The following PROSER2 variants were observed in gnomAD, a reference collection of about 807,000 sequenced individuals.
The protein encoded by PROSER2 is proline and serine-rich protein 2.
Under a neutral mutation model 14.6 loss-of-function variants are expected in PROSER2, and 18 were observed. That is an observed-to-expected ratio of 1.23 (90% CI 0.85 to 1.83). The LOEUF is 1.83. PROSER2 is among the 40% of genes most tolerant of loss of function. The pLI, the probability that PROSER2 is intolerant of heterozygous loss-of-function variation, is 0.00. For missense variants in PROSER2, 823 were observed against 629.8 expected (o/e 1.31, Z -3.28); for synonymous variants, 367 against 286.4 (o/e 1.28, Z -2.84).
intron 1 of PROSER2, among the ~76,000 whole-genome samples, chr10:11,843,685 C>CAAA (rs369244388): frequency 1.8e-5 from 2 of 113,244 alleles, no homozygotes; most frequent in Admixed American, 9.1e-5. Flanking sequence ...GACTCTGTCT[C>CAAA]AAAAAAAAAA....
intron 3 of PROSER2, among the ~76,000 whole-genome samples, chr10:11,867,181 C>T (rs1324922251): frequency 7.1e-6 from 1 of 140,552 alleles, no homozygotes; most frequent in South Asian, 2.4e-4. Flanking sequence ...AGGAGAATGG[C>T]GTGAACCCGG....
At position 11,871,575 on chromosome 10, in the gene PROSER2, G is replaced by A. The variant is rs1469103541; in HGVS notation, c.*1169G>A. 6.6e-6 allele frequency: 1 copy of A among 152,202 alleles called. No homozygotes were observed. Among genetic ancestry groups the A allele is most frequent in the African/African-American group, 2.4e-5 (1 of 41,448 alleles). The allele number at this position is 152,202 out of a possible 1,614,324, so 9.4% of individuals were successfully genotyped here. ...CATGTTCCACAAGCAAGATCTCAGG[G>A]TAGGGAAAAACCAGTGAATGAGGTT... On this transcript the variant is annotated 3_prime_UTR_variant, in exon 4 of 4. Transcript: ENST00000277570.
At chr10:11,854,139 TGTTTCCTTGCCTTCCCCTCA>T (rs1246462786) in intron 2 of PROSER2, among the ~76,000 whole-genome samples, 1 of 152,254 alleles carries the variant, frequency 6.6e-6, no homozygotes, top group Non-Finnish European at 1.5e-5. Flanking sequence ...GTTCTGGTCG[TGTTTCCTTGCCTTCCCCTCA>T]GGCCTGTTAA....
chr10:11,831,999 T>G, intron 1 of PROSER2, among the ~76,000 whole-genome samples: 1 of 152,222 alleles, frequency 6.6e-6, no homozygotes, highest in South Asian at 2.1e-4. Flanking sequence ...CTTTTTATTT[T>G]AAAAAAATAA....
In PROSER2 at chr10:11,869,072, A is replaced by G. The variant is rs953996866; in HGVS notation, c.392-418A>G. Among the ~76,000 whole-genome samples the G allele has an allele frequency of 6.6e-6, 1 of 152,234 alleles. No individual in the cohort carries two copies. Among genetic ancestry groups the G allele is most frequent in the African/African-American group, 2.4e-5 (1 of 41,460 alleles). ...ATTCTCTGTCATAGAGGAAAGTGAC[A>G]CAGCTACATGTCCTTCATCCAGAAA... On this transcript the variant is annotated intron_variant, in intron 3 of 3. Coordinates refer to ENST00000277570, the MANE Select transcript of PROSER2 (RefSeq NM_153256.4). The surrounding 1 kb of genome is among the most constrained non-coding windows in gnomAD (Gnocchi z 4.4).
chr10:11,837,399 G>C lies in PROSER2; in HGVS notation c.-82+13929G>C, dbSNP rs1318891453. Reference sequence around the variant, plus strand: ...TTGTAGGTAGAAGACATGAACACGAGCTCCGATTGCTGGCAGACGGGTTGG... The same window carrying C: ...TTGTAGGTAGAAGACATGAACACGACCTCCGATTGCTGGCAGACGGGTTGG... On this transcript the variant is annotated intron_variant, in intron 1 of 3. Transcript: ENST00000277570. The surrounding 1 kb of genome is among the most constrained non-coding windows in gnomAD (Gnocchi z 4.6). Among the ~76,000 whole-genome samples, 1 of 152,200 alleles carries C rather than the reference G, an allele frequency of 6.6e-6. No homozygotes were observed. Among genetic ancestry groups the C allele is most frequent in the Non-Finnish European group, 1.5e-5 (1 of 68,032 alleles).
intron 2 of PROSER2, among the ~76,000 whole-genome samples, chr10:11,860,359 G>A (rs1034900841): frequency 1.3e-5 from 2 of 152,200 alleles, no homozygotes; most frequent in Non-Finnish European, 2.9e-5. Flanking sequence ...GCTCACACCT[G>A]TAATCCCAGC....
At position 11,866,593 on chromosome 10, in the gene PROSER2, G is replaced by A; in HGVS notation, c.201G>A (p.Glu67=). Residue 67 remains glutamate (E), a synonymous_variant, in exon 3 of 4, where the codon GAG becomes GAA. Transcript: ENST00000277570. The surrounding 1 kb of genome is among the most constrained non-coding windows in gnomAD (Gnocchi z 6.0). ...AGGATGTGCTCCTGTTTTTTGAAGA[G>A]ACGATTGACTCCCTAGACGAGGACT... ...EEKDVLLFFE[E]TIDSLDEDFE... is the part of the protein sequence containing the mutation. 1 of 1,614,198 alleles carries A rather than the reference G, an allele frequency of 6.2e-7. No homozygotes were observed.
Position 11,869,672 on chromosome 10 carries a change from C to G in PROSER2, c.574C>G (p.Pro192Ala). Residue 192 changes from proline (P) to alanine (A), a missense_variant, in exon 4 of 4, where the codon CCC becomes GCC. Coordinates refer to ENST00000277570, the MANE Select transcript of PROSER2 (RefSeq NM_153256.4). The surrounding 1 kb of genome is among the most constrained non-coding windows in gnomAD (Gnocchi z 4.4). ...GCACCCCAGACTCCTGCGCTCTGTT[C>G]CCACGCCCCTCGTTATGGCGCAGAA... Reference protein sequence around the residue: ...VEHPRLLRSVPTPLVMAQKIS... With the variant: ...VEHPRLLRSVATPLVMAQKIS... 2 of 1,600,106 alleles carry G rather than the reference C, an allele frequency of 1.2e-6. No individual in the cohort carries two copies. The highest frequency in any genetic ancestry group is 1.7e-6 in the Non-Finnish European group (2 of 1,173,834).
chr10:11,859,829 T>G (rs1485302136), intron 2 of PROSER2, among the ~76,000 whole-genome samples: 1 of 152,248 alleles, frequency 6.6e-6, no homozygotes, highest in African/African-American at 2.4e-5. Context: ...CATTTTAGAA[T>G]GTTTTCCTCT....
rs1297459487 is a variant in PROSER2, at chr10:11,866,662, C to T, written c.270C>T (p.Cys90=). The change falls in exon 3 of 4, where the codon TGC becomes TGT. Residue 90 remains cysteine (C), a synonymous_variant. Transcript: ENST00000277570. This position sits in a 1 kb window ranked among gnomAD's most constrained non-coding sequence, Gnocchi z 6.0. ...VLCDGGVCCL[C]SPSLEESTSS... The stretch of plus-strand genomic sequence containing the variant: ...GCGATGGAGGAGTGTGCTGCCTCTG[C>T]TCCCCGTCTCTGGAGGAGAGCACCT... 2 of 1,614,204 alleles carry T rather than the reference C, an allele frequency of 1.2e-6. No individual in the cohort carries two copies. Among genetic ancestry groups the T allele is most frequent in the Non-Finnish European group, 1.7e-6 (2 of 1,180,046 alleles).
At chr10:11,847,085 T>A (rs995115147) in intron 1 of PROSER2, among the ~76,000 whole-genome samples, 10 of 151,296 alleles carry the variant, frequency 6.6e-5, no homozygotes, top group Admixed American at 5.9e-4. Flanking sequence ...TTCCCCAACT[T>A]TTTCCCATAG....
chr10:11,823,614 C>G lies in PROSER2; in HGVS notation c.-82+144C>G, dbSNP rs184992098. On this transcript the variant is annotated intron_variant, in intron 1 of 3. Transcript: ENST00000277570. This position sits in a 1 kb window ranked among gnomAD's most constrained non-coding sequence, Gnocchi z 6.2. Reference sequence around the variant, plus strand: ...ACCCTGCCTTGGCGCGCTCCTCGCTCTGACTAGGGGAGCCCGGCGCCGCCG... The same window carrying G: ...ACCCTGCCTTGGCGCGCTCCTCGCTGTGACTAGGGGAGCCCGGCGCCGCCG... The G allele has an allele frequency of 0.033, 5,038 of 152,158 alleles. 132 individuals carry two copies. Among genetic ancestry groups the G allele is most frequent in the Non-Finnish European group, 0.049 (3,306 of 68,050 alleles). The allele number at this position is 152,158 out of a possible 1,614,324, so 9.4% of individuals were successfully genotyped here.
At position 11,830,737 on chromosome 10, in the gene PROSER2, C is replaced by G. The variant is rs572042728; in HGVS notation, c.-82+7267C>G. Among the ~76,000 whole-genome samples the G allele has an allele frequency of 6.6e-6, 1 of 152,306 alleles. No individual in the cohort carries two copies. Among genetic ancestry groups the G allele is most frequent in the Admixed American group, 6.5e-5 (1 of 15,298 alleles). Reference sequence around the variant, plus strand: ...GTTAGTTGGAATCTTCCAGTTTTTTCAACAAACATTTGGTGGTCCCCATTG... The same window carrying G: ...GTTAGTTGGAATCTTCCAGTTTTTTGAACAAACATTTGGTGGTCCCCATTG... On this transcript the variant is annotated intron_variant, in intron 1 of 3. Coordinates refer to ENST00000277570, the MANE Select transcript of PROSER2 (RefSeq NM_153256.4). This position sits in a 1 kb window ranked among gnomAD's most constrained non-coding sequence, Gnocchi z 4.5.
At chr10:11,839,427 A>G (rs1430987601) in intron 1 of PROSER2, among the ~76,000 whole-genome samples, 1 of 152,234 alleles carries the variant, frequency 6.6e-6, no homozygotes, top group Admixed American at 6.5e-5. Flanking sequence ...AAATACTTGC[A>G]ATTTATATCA....
chr10:11,857,190 G>C (rs1432545493), intron 2 of PROSER2: 2 of 152,122 alleles, frequency 1.3e-5, no homozygotes, highest in Admixed American at 1.3e-4. Flanking sequence ...CGCCTCAAAT[G>C]CTGCACACTT....
chr10:11,835,782 A>G (rs1833752163), intron 1 of PROSER2, among the ~76,000 whole-genome samples: 1 of 152,202 alleles, frequency 6.6e-6, no homozygotes, highest in Admixed American at 6.5e-5. Flanking sequence ...GCCTGTTCAC[A>G]TGGATGAATG....
At chr10:11,829,994 C>T (rs555916015) in intron 1 of PROSER2, among the ~76,000 whole-genome samples, 2 of 152,066 alleles carry the variant, frequency 1.3e-5, no homozygotes, top group Non-Finnish European at 2.9e-5. Flanking sequence ...CAGGCGTGTG[C>T]CCCCATGCCT....
chr10:11,833,611 A>G (rs1419501641), intron 1 of PROSER2, among the ~76,000 whole-genome samples: 1 of 152,074 alleles, frequency 6.6e-6, no homozygotes, highest in Non-Finnish European at 1.5e-5. Flanking sequence ...GAATCTTTTG[A>G]ACCCAGGAGG....
Sources: gnomAD v4.1 joint callset for allele counts (sites outside exome capture counted in the v4.1 genomes callset) on GRCh38, gnomAD v4.1.1 for gene constraint, Gnocchi (gnomAD v3.1) non-coding constraint, MANE v1.5 for transcripts, NCBI Gene and HGNC (gene_info 2026-07-23, HGNC 2026-07-21) for gene names.